The following ARL15 variants were observed in gnomAD, a reference collection of about 807,000 sequenced individuals.
ARL15 encodes the protein ADP-ribosylation factor-like protein 15.
ARL15 carries 19 observed loss-of-function variants against 25.2 expected under a neutral mutation model. The ratio of observed to expected loss-of-function variants is 0.75; its 90% CI spans 0.53 to 1.10. ARL15 has a LOEUF of 1.10. Ranked by LOEUF, ARL15 falls within the 50% of genes least tolerant of loss-of-function variation. ARL15 has a pLI of 0.00. For missense variants in ARL15, 220 were observed against 246.0 expected (o/e 0.89, Z 0.71); for synonymous variants, 94 against 86.8 (o/e 1.08, Z -0.46).
At chr5:53,902,332 AACT>A (rs1434279273) in intron 4 of ARL15, among the ~76,000 whole-genome samples, 4 of 152,226 alleles carry the variant, frequency 2.6e-5, no homozygotes, top group Non-Finnish European at 5.9e-5. Flanking sequence ...CACTTTATTA[AACT>A]ACTGTCAATT....
intron 1 of ARL15, among the ~76,000 whole-genome samples, chr5:54,284,018 C>G (rs1436740119): frequency 1.3e-5 from 2 of 152,164 alleles, no homozygotes; most frequent in Non-Finnish European, 2.9e-5. Flanking sequence ...GTAGACCATA[C>G]AGATAAGAGA....
intron 4 of ARL15, among the ~76,000 whole-genome samples, chr5:53,974,497 T>C (rs913867543): frequency 4.6e-5 from 7 of 152,210 alleles, no homozygotes; most frequent in Non-Finnish European, 1.0e-4. Context: ...TGTTTTCTGC[T>C]TGGAAACCAT....
chr5:54,091,829 G>A (rs1373824750), intron 4 of ARL15, among the ~76,000 whole-genome samples: 3 of 152,122 alleles, frequency 2.0e-5, no homozygotes, highest in East Asian at 1.9e-4. Flanking sequence ...CATCAGCTAG[G>A]GAATCTAGGT....
chr5:53,891,276 T>C (rs1391020566), intron 4 of ARL15, among the ~76,000 whole-genome samples: 2 of 152,168 alleles, frequency 1.3e-5, no homozygotes, highest in African/African-American at 4.8e-5. Context: ...TTAGTGTTTG[T>C]GTGTGAAAGA....
chr5:53,899,414 C>CA (rs139750360), intron 4 of ARL15, among the ~76,000 whole-genome samples: 12,766 of 130,072 alleles, frequency 0.098, 692 homozygotes, highest in Middle Eastern at 0.14. Context: ...ATTGGTCTTT[C>CA]AAAAAAACTA....
intron 4 of ARL15, among the ~76,000 whole-genome samples, chr5:53,927,863 A>C (rs1746078970): frequency 6.6e-6 from 1 of 152,122 alleles, no homozygotes; most frequent in Admixed American, 6.5e-5. Flanking sequence ...GCTGGGTTCA[A>C]AGTCTGACTT....
chr5:53,903,169 C>G (rs1745124809), intron 4 of ARL15, among the ~76,000 whole-genome samples: 2 of 152,162 alleles, frequency 1.3e-5, no homozygotes, highest in African/African-American at 2.4e-5. Context: ...AAAGACATGT[C>G]TCAAGAACAT....
intron 3 of ARL15, among the ~76,000 whole-genome samples, chr5:54,143,750 G>T (rs567831464): frequency 1.3e-4 from 20 of 151,552 alleles, no homozygotes. Flanking sequence ...AAAAATTCAT[G>T]CACTACAGAT....
At chr5:54,144,546 C>T (rs1017387463) in intron 3 of ARL15, among the ~76,000 whole-genome samples, 1 of 152,090 alleles carries the variant, frequency 6.6e-6, no homozygotes, top group African/African-American at 2.4e-5. Flanking sequence ...CACTCTATTA[C>T]CTCTAGGTCC....
At chr5:53,902,584 T>G (rs1745102024) in intron 4 of ARL15, among the ~76,000 whole-genome samples, 1 of 152,210 alleles carries the variant, frequency 6.6e-6, no homozygotes, top group African/African-American at 2.4e-5. Context: ...TAAACATGTT[T>G]AATATTGGCC....
At chr5:53,964,461 G>A (rs948909323) in intron 4 of ARL15, among the ~76,000 whole-genome samples, 37 of 152,024 alleles carry the variant, frequency 2.4e-4, no homozygotes, top group African/African-American at 7.2e-4. Flanking sequence ...CCGGGTTCAC[G>A]CCATTCTCCT....
chr5:54,002,024 C>T (rs1405387999), intron 4 of ARL15, among the ~76,000 whole-genome samples: 2 of 152,250 alleles, frequency 1.3e-5, no homozygotes, highest in South Asian at 2.1e-4. Context: ...ATCTACTCCA[C>T]AGCTTCCAAT....
At chr5:54,183,494 TGAA>T (rs1436411047) in intron 1 of ARL15, among the ~76,000 whole-genome samples, 25 of 137,576 alleles carry the variant, frequency 1.8e-4, no homozygotes, top group Non-Finnish European at 3.6e-4. Context: ...ATCCCAGGGA[TGAA>T]GCCCACTTGA....
rs1302971995 is a variant in ARL15 at position 54,236,048 on chromosome 5, G to A, written c.49-64120C>T. 2.6e-5 allele frequency among the ~76,000 whole-genome samples: 4 copies of A among 152,152 alleles called. No homozygotes were observed. The East Asian group carries it at 7.7e-4, about 29-fold the overall frequency. ...TATTTGGTTTTTAAATCATTAGACT[G>A]GAAAAGAAAATTTTTTAAATGGCTT... is the stretch of plus-strand genomic sequence containing the variant. On this transcript the variant is annotated intron_variant, in intron 1 of 4. Transcript: ENST00000504924.
intron 4 of ARL15, among the ~76,000 whole-genome samples, chr5:54,063,264 G>A (rs1751121530): frequency 2.0e-5 from 3 of 152,206 alleles, no homozygotes; most frequent in Non-Finnish European, 4.4e-5. Context: ...AGGGATCTGT[G>A]GCTTGATAGA....
Position 53,973,944 on chromosome 5 carries a change from GT to G in ARL15, c.463-87232del, listed in dbSNP as rs1747841004. ...TATAATAAAGTCTTTAAAATTTTAT[GT>G]TGACTTTGAGTAAGGCCCTGTCATT... On this transcript the variant is annotated intron_variant, in intron 4 of 4. Coordinates refer to ENST00000504924, the MANE Select transcript of ARL15 (RefSeq NM_019087.3). Among the ~76,000 whole-genome samples, 3 of 151,618 alleles carry G rather than the reference GT, an allele frequency of 2.0e-5. No individual in the cohort carries two copies. The South Asian group carries it at 6.3e-4, about 32-fold the overall frequency.
At chr5:54,121,087 T>C (rs978009768) in intron 3 of ARL15, among the ~76,000 whole-genome samples, 7 of 152,290 alleles carry the variant, frequency 4.6e-5, no homozygotes, top group African/African-American at 7.2e-5. Context: ...TAGAGTCACA[T>C]ACTATAAGCC....
intron 4 of ARL15, among the ~76,000 whole-genome samples, chr5:53,961,647 A>C (rs938136991): frequency 1.3e-5 from 2 of 152,150 alleles, no homozygotes; most frequent in South Asian, 4.1e-4. Context: ...ATTAAATTTT[A>C]AAAAGGGGGA....
rs376577273 is a variant in ARL15 at position 54,062,974 on chromosome 5, T to C, written c.462+50228A>G. 2.6e-5 allele frequency among the ~76,000 whole-genome samples: 4 copies of C among 152,248 alleles called. No homozygotes were observed. The East Asian group carries it at 5.8e-4, about 22-fold the overall frequency. On this transcript the variant is annotated intron_variant, in intron 4 of 4. Transcript: ENST00000504924. Reference sequence around the variant, plus strand: ...CAAGAAGTAGTTCCTCTGGAGTTTCTTGTTTTCTTCTTTTATATTTAAATT... The same window carrying C: ...CAAGAAGTAGTTCCTCTGGAGTTTCCTGTTTTCTTCTTTTATATTTAAATT...
Sources: gnomAD v4.1 joint callset for allele counts (sites outside exome capture counted in the v4.1 genomes callset) on GRCh38, gnomAD v4.1.1 for gene constraint, MANE v1.5 for transcripts, NCBI Gene and HGNC (gene_info 2026-07-23, HGNC 2026-07-21) for gene names.